TNNI3K: variants seen among roughly 807,000 people sequenced by gnomAD.
TNNI3K encodes serine/threonine-protein kinase TNNI3K.
A neutral mutation model predicts 114.5 loss-of-function variants in TNNI3K; 140 were observed. The ratio of observed to expected loss-of-function variants is 1.22; its 90% CI spans 1.07 to 1.41. The LOEUF is 1.41. Among genes scored for constraint, TNNI3K ranks in the 40% most tolerant of loss-of-function variants. The pLI is 0.00. For missense variants in TNNI3K, 1,125 were observed against 1,007.6 expected (o/e 1.12, Z -1.58); for synonymous variants, 347 against 347.5 (o/e 1.00, Z 0.02).
At chr1:74,476,492 G>A (rs796132170) in intron 21 of TNNI3K, among the ~76,000 whole-genome samples, 29 of 152,150 alleles carry the variant, frequency 1.9e-4, no homozygotes, top group African/African-American at 6.0e-4. Flanking sequence ...AGCACTGTGA[G>A]GCAACACATC....
At chr1:74,466,663 C>G (rs1052993744) in intron 21 of TNNI3K, among the ~76,000 whole-genome samples, 7 of 152,162 alleles carry the variant, frequency 4.6e-5, no homozygotes, top group African/African-American at 1.7e-4. Context: ...CCTGACTTGG[C>G]TCTGGTAACC....
At chr1:74,257,799 C>T (rs1490332181) in intron 4 of TNNI3K, among the ~76,000 whole-genome samples, 1 of 151,114 alleles carries the variant, frequency 6.6e-6, no homozygotes, top group Non-Finnish European at 1.5e-5. Flanking sequence ...TCCGGAGTAG[C>T]TGGGGCTACA....
At chr1:74,434,520 G>C (rs1389358483) in intron 17 of TNNI3K, among the ~76,000 whole-genome samples, 1 of 151,636 alleles carries the variant, frequency 6.6e-6, no homozygotes, top group East Asian at 1.9e-4. Context: ...CTAACTGACT[G>C]TTCTTCAAAG....
chr1:74,415,253 A>G (rs1234284610), intron 17 of TNNI3K, among the ~76,000 whole-genome samples: 2 of 152,110 alleles, frequency 1.3e-5, no homozygotes, highest in Admixed American at 1.3e-4. Context: ...TTCCCTGACC[A>G]TTATAGGTCA....
At chr1:74,490,755 T>C (rs1017002771) in intron 22 of TNNI3K, among the ~76,000 whole-genome samples, 11 of 152,208 alleles carry the variant, frequency 7.2e-5, no homozygotes, top group African/African-American at 2.4e-4. Context: ...TGTGCAGATA[T>C]AATCAAGTTA....
intron 5 of TNNI3K, among the ~76,000 whole-genome samples, chr1:74,307,721 C>T (rs1338976548): frequency 1.3e-5 from 2 of 152,108 alleles, no homozygotes; most frequent in Admixed American, 6.6e-5. Flanking sequence ...TGGCTTAAGC[C>T]TGTAATCCCA....
chr1:74,243,982 C>T (rs1346787283), intron 2 of TNNI3K, among the ~76,000 whole-genome samples: 5 of 152,064 alleles, frequency 3.3e-5, no homozygotes, highest in Non-Finnish European at 5.9e-5. Flanking sequence ...ATTTGACATA[C>T]ACAGTTACTT....
intron 23 of TNNI3K, among the ~76,000 whole-genome samples, chr1:74,494,124 G>A (rs778302775): frequency 8.6e-5 from 13 of 152,014 alleles, no homozygotes; most frequent in East Asian, 1.9e-4. Context: ...ATCTTTCTCC[G>A]TCCACGTGAG....
intron 5 of TNNI3K, 101 bp downstream of exon 5, chr1:74,271,809 G>T: frequency 1.9e-6 from 2 of 1,057,540 alleles, no homozygotes; most frequent in South Asian, 1.9e-5. Flanking sequence ...TTTACAAGTT[G>T]GTTTATTTTT....
intron 5 of TNNI3K, among the ~76,000 whole-genome samples, chr1:74,321,923 T>G (rs566711135): frequency 5.3e-5 from 8 of 152,152 alleles, no homozygotes; most frequent in African/African-American, 1.9e-4. Context: ...TCACATGACA[T>G]AGAGAAATCT....
chr1:74,338,596 G>A (rs1230139051), intron 7 of TNNI3K, among the ~76,000 whole-genome samples: 3 of 151,914 alleles, frequency 2.0e-5, no homozygotes, highest in Non-Finnish European at 4.4e-5. Flanking sequence ...GGACATGGTT[G>A]TCAAATCTCT....
At chr1:74,450,627 C>T (rs994281041) in intron 20 of TNNI3K, among the ~76,000 whole-genome samples, 2 of 151,990 alleles carry the variant, frequency 1.3e-5, no homozygotes, top group African/African-American at 4.8e-5. Flanking sequence ...ATTTGTGCGG[C>T]CAACAAACAT....
intron 11 of TNNI3K, among the ~76,000 whole-genome samples, chr1:74,366,317 C>T (rs1527682): frequency 0.58 from 88,094 of 151,888 alleles, 28,717 homozygotes; most frequent in East Asian, 0.82. Flanking sequence ...TTATAGTGAA[C>T]GCATTAAAAT....
chr1:74,458,053 T>C (rs1000576982), intron 20 of TNNI3K, among the ~76,000 whole-genome samples: 6 of 152,176 alleles, frequency 3.9e-5, no homozygotes, highest in African/African-American at 1.4e-4. Flanking sequence ...AAAGAATTGG[T>C]AAGACTTTTA....
At chr1:74,444,428 C>T (rs1001765114) in intron 20 of TNNI3K, among the ~76,000 whole-genome samples, 3 of 151,918 alleles carry the variant, frequency 2.0e-5, no homozygotes, top group African/African-American at 7.3e-5. Flanking sequence ...ACCTCTCACT[C>T]ACAATTGCTA....
chr1:74,429,984 G>A (rs1465755835), intron 17 of TNNI3K, among the ~76,000 whole-genome samples: 2 of 152,078 alleles, frequency 1.3e-5, no homozygotes, highest in Non-Finnish European at 1.5e-5. Flanking sequence ...TGGCCGTGGT[G>A]CCCTTACACT....
At chr1:74,246,024 T>C (rs1654530076) in intron 2 of TNNI3K, among the ~76,000 whole-genome samples, 2 of 152,216 alleles carry the variant, frequency 1.3e-5, no homozygotes, top group African/African-American at 4.8e-5. Flanking sequence ...TGAAGATAGT[T>C]AAGAATTTAA....
At chr1:74,304,234 C>A (rs916462766) in intron 5 of TNNI3K, among the ~76,000 whole-genome samples, 1 of 152,134 alleles carries the variant, frequency 6.6e-6, no homozygotes, top group Non-Finnish European at 1.5e-5. Flanking sequence ...ACAGAGAAAT[C>A]TTTCATGAAA....
At chr1:74,413,057 G>A (rs1304416779) in intron 17 of TNNI3K, among the ~76,000 whole-genome samples, 2 of 152,148 alleles carry the variant, frequency 1.3e-5, no homozygotes, top group Non-Finnish European at 2.9e-5. Flanking sequence ...AGTGATGTCA[G>A]GTTAACAATG....
Sources: gnomAD v4.1 joint callset for allele counts (sites outside exome capture counted in the v4.1 genomes callset) on GRCh38, gnomAD v4.1.1 for gene constraint, MANE v1.5 for transcripts, NCBI Gene and HGNC (gene_info 2026-07-23, HGNC 2026-07-21) for gene names.